TRHDE: variants seen among roughly 807,000 people sequenced by gnomAD.
TRHDE encodes thyrotropin-releasing hormone-degrading ectoenzyme.
A neutral mutation model predicts 125.7 loss-of-function variants in TRHDE; 72 were observed. The observed-to-expected ratio is 0.57, with a 90% CI of 0.47 to 0.70. The LOEUF (loss-of-function observed/expected upper bound fraction) is 0.70. TRHDE is among the 30% of genes least tolerant of loss of function. TRHDE has a pLI of 0.00. For synonymous variants in TRHDE, 509 were observed against 509.1 expected (o/e 1.00, Z 0.00); for missense variants, 1,110 against 1,327.1 (o/e 0.84, Z 2.54).
chr12:72,153,849 C>T (rs916874146), intron 2 of TRHDE, among the ~76,000 whole-genome samples: 1 of 150,950 alleles, frequency 6.6e-6, no homozygotes, highest in African/African-American at 2.4e-5. Flanking sequence ...GTGTGGTGTG[C>T]TGCTGAAAAG....
chr12:72,662,986 A>T, intron 18 of TRHDE, 66 bp from the exon 19 acceptor site: 1 of 1,477,378 alleles, frequency 6.8e-7, no homozygotes, highest in Non-Finnish European at 9.2e-7. Flanking sequence ...ATTCTTGTTC[A>T]TGTTTGTTGG....
At chr12:72,238,549 C>G (rs530816934) in intron 2 of TRHDE, among the ~76,000 whole-genome samples, 125 of 151,134 alleles carry the variant, frequency 8.3e-4, no homozygotes, top group African/African-American at 2.7e-3. Flanking sequence ...CCTAGCCCCC[C>G]ACCAAACTGG....
intron 2 of TRHDE, among the ~76,000 whole-genome samples, chr12:72,185,294 G>C (rs1405951155): frequency 2.0e-5 from 3 of 152,226 alleles, no homozygotes; most frequent in East Asian, 3.9e-4. Flanking sequence ...GGGCAGGGCT[G>C]GGGACCTGCA....
At chr12:72,199,541 A>G (rs1877514140) in intron 2 of TRHDE, among the ~76,000 whole-genome samples, 1 of 152,180 alleles carries the variant, frequency 6.6e-6, no homozygotes, top group African/African-American at 2.4e-5. Flanking sequence ...TGAGAATATG[A>G]TATAGATTGG....
At chr12:72,245,369 T>C (rs555629680) in intron 2 of TRHDE, among the ~76,000 whole-genome samples, 2 of 152,046 alleles carry the variant, frequency 1.3e-5, no homozygotes, top group African/African-American at 4.8e-5. Flanking sequence ...GGAGGCTCTC[T>C]ACCTACCCAT....
At chr12:72,553,565 A>T (rs1396831789) in intron 7 of TRHDE, among the ~76,000 whole-genome samples, 1 of 152,008 alleles carries the variant, frequency 6.6e-6, no homozygotes, top group African/African-American at 2.4e-5. Context: ...GGGTCTTGTC[A>T]TCTCAGTAGA....
chr12:72,324,049 C>T (rs1869226453), intron 2 of TRHDE, among the ~76,000 whole-genome samples: 1 of 152,078 alleles, frequency 6.6e-6, no homozygotes, highest in Non-Finnish European at 1.5e-5. Flanking sequence ...TTCAACACTT[C>T]CTGTGCATGT....
At chr12:72,205,648 T>C (rs1877649561) in intron 2 of TRHDE, among the ~76,000 whole-genome samples, 1 of 152,238 alleles carries the variant, frequency 6.6e-6, no homozygotes, top group East Asian at 1.9e-4. Flanking sequence ...CTTAACGTAA[T>C]ATCTTCAAGG....
intron 2 of TRHDE, among the ~76,000 whole-genome samples, chr12:72,287,652 T>A (rs534498465): frequency 7.2e-5 from 11 of 152,114 alleles, no homozygotes; most frequent in Non-Finnish European, 1.6e-4. Context: ...TGATTTTCTA[T>A]TGTAAATAAT....
chr12:72,117,271 GTCTAGTT>G (rs1368101462), intron 2 of TRHDE, among the ~76,000 whole-genome samples: 5 of 152,032 alleles, frequency 3.3e-5, no homozygotes, highest in African/African-American at 1.2e-4. Context: ...AGAGATAAAG[GTCTAGTT>G]TCATTCTTCA....
chr12:72,091,594 G>T (rs1042843441), intron 1 of TRHDE, among the ~76,000 whole-genome samples: 2 of 152,138 alleles, frequency 1.3e-5, no homozygotes, highest in Non-Finnish European at 2.9e-5. Context: ...CGTGACCCAG[G>T]TTGCATCAAG....
At chr12:72,374,938 C>T (rs1001170332) in intron 2 of TRHDE, among the ~76,000 whole-genome samples, 2 of 152,162 alleles carry the variant, frequency 1.3e-5, no homozygotes, top group East Asian at 3.8e-4. Flanking sequence ...CTGACATGTT[C>T]ACCTTGGCTA....
chr12:72,203,826 T>C (rs970780639), intron 2 of TRHDE, among the ~76,000 whole-genome samples: 3 of 152,162 alleles, frequency 2.0e-5, no homozygotes, highest in Admixed American at 6.5e-5. Flanking sequence ...GTTGCAAGTC[T>C]CCACATACAT....
chr12:72,377,961 G>C, intron 2 of TRHDE, 34 bp from the exon 3 acceptor site: 1 of 1,483,468 alleles, frequency 6.7e-7, no homozygotes, highest in Non-Finnish European at 9.0e-7. Context: ...AGTGCTAAAA[G>C]GCTAAAGTAA....
chr12:72,348,191 TCA>T (rs373242168), intron 2 of TRHDE, among the ~76,000 whole-genome samples: 3 of 152,096 alleles, frequency 2.0e-5, no homozygotes, highest in African/African-American at 4.8e-5. Flanking sequence ...ATGCATTACC[TCA>T]CATACTTTTT....
chr12:72,266,718 G>A (rs1255867096), intron 2 of TRHDE, among the ~76,000 whole-genome samples: 1 of 151,892 alleles, frequency 6.6e-6, no homozygotes, highest in Non-Finnish European at 1.5e-5. Context: ...GTTTATATTT[G>A]GCTTACCTTT....
At chr12:72,375,034 G>A (rs1871810720) in intron 2 of TRHDE, among the ~76,000 whole-genome samples, 1 of 152,142 alleles carries the variant, frequency 6.6e-6, no homozygotes, top group Non-Finnish European at 1.5e-5. Context: ...TGATGTGGGA[G>A]ATAAAGGGAG....
At position 72,306,093 on chromosome 12, in the gene TRHDE, C is replaced by G. The variant is rs1868337142; in HGVS notation, c.1188+19139C>G. On this transcript the variant is annotated intron_variant, in intron 2 of 18. Coordinates refer to ENST00000261180, the MANE Select transcript of TRHDE (RefSeq NM_013381.3). ...CTTTTCCCCTCTGCTGCCTTATGGC[C>G]AAGTGTTTTTTCTGCTGGTGGATAT... Among the ~76,000 whole-genome samples, 4 of 152,044 alleles carry G rather than the reference C, an allele frequency of 2.6e-5. No individual in the cohort carries two copies. The South Asian group carries it at 8.3e-4, about 32-fold the overall frequency.
chr12:72,092,620 A>C (rs1315012927), intron 1 of TRHDE, among the ~76,000 whole-genome samples: 2 of 152,202 alleles, frequency 1.3e-5, no homozygotes, highest in Non-Finnish European at 2.9e-5. Flanking sequence ...CTCCCAGAAA[A>C]GTCCCAAGAC....
Sources: allele counts gnomAD v4.1 joint callset (sites outside exome capture counted in the v4.1 genomes callset), GRCh38; gene constraint gnomAD v4.1.1; transcripts MANE v1.5; gene names NCBI Gene and HGNC (gene_info 2026-07-23, HGNC 2026-07-21).